PCDHA5: variants seen among roughly 807,000 people sequenced by gnomAD.
PCDHA5 encodes protocadherin alpha 5, also known as protocadherin alpha-5.
In PCDHA5, 43 loss-of-function variants were observed where a neutral mutation model predicts 61.6. The observed-to-expected ratio is 0.70, with a 90% CI of 0.55 to 0.90. PCDHA5 has a LOEUF of 0.90. Among genes scored for constraint, PCDHA5 ranks in the 40% least tolerant of loss-of-function variants. PCDHA5 has a pLI of 0.00. For missense variants in PCDHA5, 1,298 were observed against 1,222.7 expected (o/e 1.06, Z -0.92); for synonymous variants, 627 against 543.9 (o/e 1.15, Z -2.13).
At chr5:140,974,828 A>T (rs2096642920) in intron 1 of PCDHA5, among the ~76,000 whole-genome samples, 1 of 152,188 alleles carries the variant, frequency 6.6e-6, no homozygotes, top group Non-Finnish European at 1.5e-5. Flanking sequence ...CAACATAATG[A>T]TTATTTTAAA....
intron 1 of PCDHA5, chr5:140,876,345 T>C (rs2056299947): frequency 6.2e-7 from 1 of 1,614,024 alleles, no homozygotes; most frequent in Non-Finnish European, 8.5e-7. Context: ...GTGAGAAATG[T>C]ATGTTTTCAA....
At chr5:140,909,772 A>T (rs2074681843) in intron 1 of PCDHA5, among the ~76,000 whole-genome samples, 1 of 152,166 alleles carries the variant, frequency 6.6e-6, no homozygotes, top group Non-Finnish European at 1.5e-5. Context: ...CCAGGGACCC[A>T]CTGGACCCAC....
At chr5:140,871,852 T>A (rs767921370) in intron 1 of PCDHA5, among the ~76,000 whole-genome samples, 12 of 152,354 alleles carry the variant, frequency 7.9e-5, no homozygotes, top group African/African-American at 2.4e-4. Flanking sequence ...ATTATGACCA[T>A]AATAACTATG....
chr5:140,962,028 C>T (rs1046578713), intron 1 of PCDHA5, among the ~76,000 whole-genome samples: 81 of 152,150 alleles, frequency 5.3e-4, no homozygotes, highest in African/African-American at 1.8e-3. Context: ...GGACTACAGG[C>T]ACCCACCACC....
At position 140,823,417 on chromosome 5, in the gene PCDHA5, G is replaced by T. The variant is rs2150125687; in HGVS notation, c.1642G>T (p.Val548Leu). ...GGGCGTGCCGCCTCTGGGCAGCAAC[G>T]TGACGCTGCAGGTGTTCGTGCTGGA... ...DAGVPPLGSN[V>L]TLQVFVLDEN... The change falls in exon 1 of 4, where the codon GTG (valine) becomes TTG (leucine). Residue 548 changes from valine (V) to leucine (L), a missense_variant. Val to Leu is a conservative substitution (Grantham distance 32). Transcript: ENST00000529859. The T allele has an allele frequency of 9.9e-6, 16 of 1,613,174 alleles. No individual in the cohort carries two copies. Among genetic ancestry groups the T allele is most frequent in the Middle Eastern group, 1.7e-4 (1 of 5,960 alleles).
intron 1 of PCDHA5, chr5:140,852,983 A>T (rs1409156147): frequency 3.0e-6 from 1 of 337,908 alleles, no homozygotes; most frequent in Non-Finnish European, 4.4e-6. Context: ...TGTTCACGCC[A>T]TTCTCCTGCC....
chr5:140,845,017 A>T lies in PCDHA5; in HGVS notation c.2352+20890A>T, dbSNP rs1779662524. On this transcript the variant is annotated intron_variant, in intron 1 of 3. Transcript: ENST00000529859. ...TCACTTATGAACAAATAATGTAATC[A>T]TTTATGGGCATATTTTAGCCCCCTT... Among the ~76,000 whole-genome samples, 2 of 149,310 alleles carry T rather than the reference A, an allele frequency of 1.3e-5. 1 individual carries two copies. The highest frequency in any genetic ancestry group is 3.0e-5 in the Non-Finnish European group (2 of 66,738).
At chr5:140,881,347 C>T in intron 1 of PCDHA5, 1 of 985,212 alleles carries the variant, frequency 1.0e-6, no homozygotes, top group Non-Finnish European at 1.2e-6. Context: ...ATTCGGGCTA[C>T]AATGCGTGGC....
intron 3 of PCDHA5, among the ~76,000 whole-genome samples, chr5:140,983,060 A>G (rs1460099092): frequency 6.6e-6 from 1 of 152,120 alleles, no homozygotes; most frequent in Non-Finnish European, 1.5e-5. Flanking sequence ...TATCGGAACC[A>G]AGGCATTGTT....
chr5:140,975,578 C>T (rs2096673039), intron 1 of PCDHA5, among the ~76,000 whole-genome samples: 2 of 152,232 alleles, frequency 1.3e-5, no homozygotes, highest in Non-Finnish European at 2.9e-5. Flanking sequence ...TATGCAGTCT[C>T]ATGTCCCAGA....
In PCDHA5 at chr5:140,859,591, T is replaced by C. The variant is rs540429741; in HGVS notation, c.2352+35464T>C. On this transcript the variant is annotated intron_variant, in intron 1 of 3. Transcript: ENST00000529859. Reference sequence around the variant, plus strand: ...AATTTGTCATCTTGCCTATGGCTCTTAGCAATTACTTTTTTCTTTCCTTTC... The same window carrying C: ...AATTTGTCATCTTGCCTATGGCTCTCAGCAATTACTTTTTTCTTTCCTTTC... 5 of 165,482 alleles carry C rather than the reference T, an allele frequency of 3.0e-5. No homozygotes were observed. The East Asian group carries it at 9.4e-4, about 31-fold the overall frequency. 10.3% of individuals were successfully genotyped at this position (165,482 alleles called of 1,614,324 possible). A position where few individuals can be genotyped will look rare whatever the true frequency, so the allele number is the denominator to read the frequency against.
intron 1 of PCDHA5, chr5:140,883,984 C>G: frequency 6.2e-7 from 1 of 1,612,820 alleles, no homozygotes; most frequent in East Asian, 2.2e-5. Flanking sequence ...GGGCTGGCAG[C>G]GCGGGAGGCA....
chr5:140,966,216 C>T (rs1189015388), intron 1 of PCDHA5: 1 of 247,072 alleles, frequency 4.0e-6, no homozygotes, highest in African/African-American at 2.2e-5. Flanking sequence ...TTTTCCCAGA[C>T]TAATCTCCTT....
intron 1 of PCDHA5, chr5:140,853,424 G>A (rs112620213): frequency 1.0e-6 from 1 of 985,928 alleles, no homozygotes; most frequent in African/African-American, 1.8e-5. Context: ...AAGCAGAAGA[G>A]ACACTTTCCT....
chr5:140,951,145 T>G (rs2094553191), intron 1 of PCDHA5, among the ~76,000 whole-genome samples: 1 of 100,698 alleles, frequency 9.9e-6, no homozygotes, highest in South Asian at 2.6e-4. Flanking sequence ...TTTATCTTAT[T>G]GAATATAGTT....
chr5:140,863,385 G>T (rs782510264), intron 1 of PCDHA5: 7 of 1,030,746 alleles, frequency 6.8e-6, no homozygotes, highest in Non-Finnish European at 1.0e-5. Context: ...CCGAGAGCTC[G>T]TGCATGCCGG....
chr5:140,928,217 C>T, intron 1 of PCDHA5: 2 of 1,614,212 alleles, frequency 1.2e-6, no homozygotes, highest in Non-Finnish European at 1.7e-6. Flanking sequence ...AATGACAATA[C>T]ACCAAACTTT....
chr5:140,836,849 A>G, intron 1 of PCDHA5: 3 of 822,610 alleles, frequency 3.6e-6, no homozygotes, highest in Non-Finnish European at 3.7e-6. Context: ...ATGTATAATT[A>G]TTATTTTTTA....
chr5:140,956,315 A>G (rs246013), intron 1 of PCDHA5, among the ~76,000 whole-genome samples: 85,586 of 151,908 alleles, frequency 0.56, 24,725 homozygotes, highest in African/African-American at 0.69. Flanking sequence ...TTATTTTGAG[A>G]TATGTTCCTT....
Sources: gnomAD v4.1 joint callset for allele counts (sites outside exome capture counted in the v4.1 genomes callset) on GRCh38, gnomAD v4.1.1 for gene constraint, MANE v1.5 for transcripts, NCBI Gene and HGNC (gene_info 2026-07-23, HGNC 2026-07-21) for gene names.